The following TIAM2 variants were observed in gnomAD, a reference collection of about 807,000 sequenced individuals.
TIAM2 encodes the protein rho guanine nucleotide exchange factor TIAM2.
In TIAM2, 80 loss-of-function variants were observed where a neutral mutation model predicts 152.9. The ratio of observed to expected loss-of-function variants is 0.52; its 90% CI spans 0.44 to 0.63. TIAM2 has a LOEUF of 0.63. Ranked by LOEUF, TIAM2 falls within the 30% of genes least tolerant of loss-of-function variation. The pLI is 0.00. For missense variants in TIAM2, 1,965 were observed against 2,120.1 expected (o/e 0.93, Z 1.44); for synonymous variants, 804 against 838.0 (o/e 0.96, Z 0.70).
At position 155,211,454 on chromosome 6, in the gene TIAM2, G is replaced by A. The variant is rs148943549; in HGVS notation, c.3168+147G>A. The A allele has an allele frequency of 7.9e-4, 471 of 597,708 alleles. 2 individuals are homozygous for A. The highest frequency in any genetic ancestry group is 7.7e-3 in the African/African-American group (412 of 53,324). 37.0% of individuals were successfully genotyped at this position (597,708 alleles called of 1,614,324 possible). ...CATACATATATATGTTAAGGATACA[G>A]CTTCCTTATTTATGTATTTTTTTGA... On this transcript the variant is annotated intron_variant, in intron 15 of 26. Coordinates refer to ENST00000682666, the MANE Select transcript of TIAM2 (RefSeq NM_012454.4).
chr6:155,093,544 C>A (rs1778347840), intron 2 of TIAM2, among the ~76,000 whole-genome samples: 1 of 152,234 alleles, frequency 6.6e-6, no homozygotes, highest in African/African-American at 2.4e-5. Context: ...TCTGCCCCTG[C>A]AGGAAGCACT....
chr6:155,107,983 G>A (rs58095069), intron 2 of TIAM2, among the ~76,000 whole-genome samples: 7,331 of 152,258 alleles, frequency 0.048, 589 homozygotes, highest in African/African-American at 0.17. Flanking sequence ...GACAGAAATA[G>A]GGAGCTTTAT....
intron 2 of TIAM2, among the ~76,000 whole-genome samples, chr6:155,126,645 C>A (rs1169072286): frequency 6.6e-6 from 1 of 152,056 alleles, no homozygotes; most frequent in Non-Finnish European, 1.5e-5. Context: ...GTAGGAGAAT[C>A]GCTTGAACCC....
intron 2 of TIAM2, among the ~76,000 whole-genome samples, chr6:155,098,154 G>T (rs1049131944): frequency 1.3e-5 from 2 of 151,900 alleles, no homozygotes; most frequent in African/African-American, 2.4e-5. Context: ...GGCTATTCAG[G>T]GTCTTTTGTG....
intron 14 of TIAM2, among the ~76,000 whole-genome samples, chr6:155,210,785 T>G (rs1049868582): frequency 1.2e-4 from 19 of 152,228 alleles, no homozygotes; most frequent in African/African-American, 4.3e-4. Context: ...AGTATAATAT[T>G]CCATCATTGG....
chr6:155,216,457 G>T (rs555981209), intron 15 of TIAM2, among the ~76,000 whole-genome samples: 1 of 152,216 alleles, frequency 6.6e-6, no homozygotes, highest in Non-Finnish European at 1.5e-5. Context: ...GCTTTTGACA[G>T]CCCCGCAATT....
At chr6:155,176,700 T>C (rs1780767101) in intron 9 of TIAM2, 116 bp from the exon 10 acceptor site, 3 of 1,069,814 alleles carry the variant, frequency 2.8e-6, no homozygotes, top group Non-Finnish European at 4.0e-6. Context: ...GCCAGTGATG[T>C]GAAGCGTGTG....
intron 15 of TIAM2, chr6:155,232,635 T>C (rs1782528079): frequency 6.6e-6 from 1 of 152,390 alleles, no homozygotes; most frequent in South Asian, 2.1e-4. Context: ...CAGTCCAGGC[T>C]GATGGCTCAG....
At chr6:155,210,834 A>G (rs150131973) in intron 14 of TIAM2, among the ~76,000 whole-genome samples, 5 of 152,360 alleles carry the variant, frequency 3.3e-5, no homozygotes, top group East Asian at 3.9e-4. Context: ...TCACTTAGCC[A>G]AAAACAGGGA....
chr6:155,004,711 T>C (rs1026351059), intron 1 of TIAM2: 7 of 152,278 alleles, frequency 4.6e-5, no homozygotes, highest in African/African-American at 1.7e-4. Context: ...ACCATCTTTT[T>C]TTCCAAGTCT....
intron 1 of TIAM2, among the ~76,000 whole-genome samples, chr6:155,059,337 T>TGTGTGTGTGTGTG (rs1554227504): frequency 7.1e-6 from 1 of 140,094 alleles, no homozygotes; most frequent in African/African-American, 2.6e-5. Context: ...CGCGTGTATG[T>TGTGTGTGTGTGTG]TTTTGAGACA....
intron 14 of TIAM2, among the ~76,000 whole-genome samples, chr6:155,185,700 G>A (rs1352272215): frequency 2.0e-5 from 3 of 152,164 alleles, no homozygotes; most frequent in South Asian, 2.1e-4. Context: ...TCCACATCAC[G>A]TCCTCCTGAT....
intron 9 of TIAM2, among the ~76,000 whole-genome samples, chr6:155,167,668 G>A (rs543747272): frequency 6.6e-6 from 1 of 151,918 alleles, no homozygotes; most frequent in Non-Finnish European, 1.5e-5. Context: ...AATTGTTTTT[G>A]TAGAAATGGG....
chr6:155,075,299 T>C (rs995664012), intron 1 of TIAM2, among the ~76,000 whole-genome samples: 2 of 151,746 alleles, frequency 1.3e-5, no homozygotes, highest in Admixed American at 1.3e-4. Flanking sequence ...TGTAGCTAGA[T>C]GACGATAAAC....
chr6:155,227,306 T>A (rs996125355), intron 15 of TIAM2, among the ~76,000 whole-genome samples: 6 of 152,212 alleles, frequency 3.9e-5, no homozygotes, highest in African/African-American at 1.4e-4. Context: ...GCTGAGTCAG[T>A]CTGCGGAGAC....
chr6:155,048,590 C>T (rs715780), intron 1 of TIAM2, among the ~76,000 whole-genome samples: 3,952 of 152,128 alleles, frequency 0.026, 178 homozygotes, highest in African/African-American at 0.091. Context: ...ATAAAGAAGT[C>T]GGGATTCAGC....
chr6:155,184,769 C>T (rs1285985405), intron 14 of TIAM2, among the ~76,000 whole-genome samples: 2 of 152,104 alleles, frequency 1.3e-5, no homozygotes, highest in Admixed American at 6.5e-5. Flanking sequence ...TAAGGTATCT[C>T]GTGCTTTCTC....
intron 2 of TIAM2, among the ~76,000 whole-genome samples, chr6:155,114,986 C>T (rs1395451088): frequency 6.6e-6 from 1 of 151,982 alleles, no homozygotes; most frequent in Admixed American, 6.6e-5. Flanking sequence ...CGCCACCACT[C>T]CTGGCTAATT....
At chr6:155,139,211 C>G (rs751880884) in intron 5 of TIAM2, among the ~76,000 whole-genome samples, 1 of 152,208 alleles carries the variant, frequency 6.6e-6, no homozygotes, top group African/African-American at 2.4e-5. Flanking sequence ...TGCCCCTTAT[C>G]GAACAGTTGG....
Sources: gnomAD v4.1 joint callset for allele counts (sites outside exome capture counted in the v4.1 genomes callset) on GRCh38, gnomAD v4.1.1 for gene constraint, MANE v1.5 for transcripts, NCBI Gene and HGNC (gene_info 2026-07-23, HGNC 2026-07-21) for gene names.